The following ZNF483 variants were observed in gnomAD, a reference collection of about 807,000 sequenced individuals.
ZNF483 encodes the protein zinc finger protein 483, also known as zinc finger protein HIT-10.
In ZNF483, 9 loss-of-function variants were observed where a neutral mutation model predicts 28.6. The observed-to-expected ratio is 0.32, with a 90% CI of 0.19 to 0.55. The LOEUF (loss-of-function observed/expected upper bound fraction) is 0.55. Ranked by LOEUF, ZNF483 falls within the 20% of genes least tolerant of loss-of-function variation. ZNF483 has a pLI of 0.93. For synonymous variants in ZNF483, 322 were observed against 306.2 expected, an observed-to-expected ratio of 1.05 and a Z score of -0.54; for missense variants, 675 against 871.7, an observed-to-expected ratio of 0.77 and a Z score of 2.84.
intron 3 of ZNF483, among the ~76,000 whole-genome samples, chr9:111,531,693 A>C (rs1827350943): frequency 6.6e-6 from 1 of 151,622 alleles, no homozygotes; most frequent in Non-Finnish European, 1.5e-5. Flanking sequence ...TTTTCTTTTT[A>C]AGAGATGGGG....
chr9:111,543,023 T>C lies in ZNF483; in HGVS notation c.2088T>C (p.Cys696=). Residue 696 remains cysteine (C), a synonymous_variant, in exon 6 of 6, where the codon TGT becomes TGC. Transcript: ENST00000309235. ...TGEKPYECNY[C]GATFSRSSIL... ...AGAAACCCTATGAGTGTAACTATTG[T>C]GGTGCAACCTTTAGTCGAAGCTCAA... 1 of 1,614,190 alleles carries C rather than the reference T, an allele frequency of 6.2e-7. No homozygotes were observed.
intron 5 of ZNF483, among the ~76,000 whole-genome samples, chr9:111,572,295 T>C (rs1828851854): frequency 6.6e-6 from 1 of 152,206 alleles, no homozygotes; most frequent in Non-Finnish European, 1.5e-5. Flanking sequence ...TCTCATTTCC[T>C]CATCTTAAAT....
intron 2 of ZNF483, 193 bp downstream of exon 2, chr9:111,528,000 A>G (rs1244314900): frequency 3.4e-6 from 5 of 1,470,554 alleles, no homozygotes; most frequent in Middle Eastern, 3.6e-4. Context: ...AAATATTTTT[A>G]TCTGTTAAAA....
In ZNF483 at chr9:111,548,465, T is replaced by G. The variant is rs1827854011; in HGVS notation, c.*5295T>G. Among the ~76,000 whole-genome samples the G allele has an allele frequency of 6.6e-6, 1 of 152,218 alleles. No individual in the cohort carries two copies. The highest frequency in any genetic ancestry group is 6.5e-5 in the Admixed American group (1 of 15,278). On this transcript the variant is annotated 3_prime_UTR_variant, in exon 6 of 6. Coordinates refer to ENST00000309235, the MANE Select transcript of ZNF483 (RefSeq NM_133464.5). ...GAGTTTTGAGTGTTGATTTTGTATC[T>G]TGCAACTTTGCTGAATTTGTTTATT...
intron 5 of ZNF483, among the ~76,000 whole-genome samples, chr9:111,566,348 T>C (rs556791717): frequency 4.0e-4 from 61 of 152,300 alleles, no homozygotes; most frequent in African/African-American, 1.4e-3. Context: ...TTTCACCAAC[T>C]GGGACAACTT....
chr9:111,565,505 T>G (rs1366447179), intron 5 of ZNF483, among the ~76,000 whole-genome samples: 1 of 152,188 alleles, frequency 6.6e-6, no homozygotes, highest in African/African-American at 2.4e-5. Flanking sequence ...CCAATTTTCC[T>G]ATAAATCTAA....
intron 5 of ZNF483, among the ~76,000 whole-genome samples, chr9:111,572,780 A>AT (rs1828884406): frequency 1.4e-5 from 2 of 147,638 alleles, no homozygotes. Flanking sequence ...AAAAAAAAAA[A>AT]TTAAAAAATT....
Position 111,542,027 on chromosome 9 carries a change from T to C in ZNF483, c.1092T>C (p.Gly364=), listed in dbSNP as rs776869159. The C allele has an allele frequency of 6.2e-7, 1 of 1,614,036 alleles. No homozygotes were observed. Among genetic ancestry groups the C allele is most frequent in the Non-Finnish European group, 8.5e-7 (1 of 1,179,954 alleles). Residue 364 remains glycine (G), a synonymous_variant, in exon 6 of 6, where the codon GGT becomes GGC. Coordinates refer to ENST00000309235, the MANE Select transcript of ZNF483 (RefSeq NM_133464.5). This position sits in a 1 kb window ranked among gnomAD's most constrained non-coding sequence, Gnocchi z 6.2. ...AGEKSRKSND[G]GKVLSHSSAL... ...AAAAGTCACGGAAATCTAATGATGGTGGGAAAGTCCTGAGTCACTCTTCAG... is the reference window on the plus strand; with the variant it reads ...AAAAGTCACGGAAATCTAATGATGGCGGGAAAGTCCTGAGTCACTCTTCAG...
Position 111,527,316 on chromosome 9 carries a change from C to A in ZNF483, c.-80C>A. 1 of 1,430,854 alleles carries A rather than the reference C, an allele frequency of 7.0e-7. No individual in the cohort carries two copies. The highest frequency in any genetic ancestry group is 9.5e-7 in the Non-Finnish European group (1 of 1,055,220). 88.6% of individuals were successfully genotyped at this position (1,430,854 alleles called of 1,614,324 possible). ...TTCCTGGAACCTTTGATATTCCTGG[C>A]TGTGTATAGTGCCTGTTGGTGGACT... On this transcript the variant is annotated 5_prime_UTR_variant, in exon 2 of 6. It adds an upstream start codon to the 5' untranslated region. Transcript: ENST00000309235.
At chr9:111,565,213 G>A (rs984087183) in intron 5 of ZNF483, among the ~76,000 whole-genome samples, 1 of 152,110 alleles carries the variant, frequency 6.6e-6, no homozygotes, top group Non-Finnish European at 1.5e-5. Context: ...TTAGGACATA[G>A]ACACACAGAG....
chr9:111,571,421 A>T lies in ZNF483; in HGVS notation c.722-4944A>T, dbSNP rs910870524. ...GAGACTCGGTTTCAAAAAGAAAAAA[A>T]GAAGTAAACAAACAAAAGAATAAAC... On this transcript the variant is annotated intron_variant, in intron 5 of 5. Coordinates refer to the ZNF483 transcript ENST00000358151. Among the ~76,000 whole-genome samples, 4 of 149,724 alleles carry T rather than the reference A, an allele frequency of 2.7e-5. No homozygotes were observed. In the East Asian group the frequency reaches 6.4e-4, roughly 24 times the overall value.
intron 5 of ZNF483, among the ~76,000 whole-genome samples, chr9:111,539,125 A>C (rs1035080203): frequency 2.7e-5 from 4 of 150,430 alleles, no homozygotes; most frequent in Non-Finnish European, 5.9e-5. Flanking sequence ...AAAAAAAAAA[A>C]AAAAAAAAAA....
At position 111,552,593 on chromosome 9, in the gene ZNF483, T is replaced by C. The variant is rs1254164102; in HGVS notation, c.*9423T>C. Among the ~76,000 whole-genome samples, 1 of 152,190 alleles carries C rather than the reference T, an allele frequency of 6.6e-6. No homozygotes were observed. The highest frequency in any genetic ancestry group is 2.4e-5 in the African/African-American group (1 of 41,458). On this transcript the variant is annotated 3_prime_UTR_variant, in exon 6 of 6. Coordinates refer to ENST00000309235, the MANE Select transcript of ZNF483 (RefSeq NM_133464.5). Reference sequence around the variant, plus strand: ...GACAGATGGAAGATTGTCAAAAATATCTGCCATGAGTTTGAGCCTTTAGGC... The same window carrying C: ...GACAGATGGAAGATTGTCAAAAATACCTGCCATGAGTTTGAGCCTTTAGGC...
intron 2 of ZNF483, 65 bp downstream of exon 2, chr9:111,527,872 C>T: frequency 6.2e-7 from 1 of 1,612,606 alleles, no homozygotes. Flanking sequence ...GTAAATTCCT[C>T]AAAAGAAGGC....
In ZNF483 at chr9:111,542,203, A is replaced by G; in HGVS notation, c.1268A>G (p.Glu423Gly). 1 of 1,614,134 alleles carries G rather than the reference A, an allele frequency of 6.2e-7. No homozygotes were observed. Among genetic ancestry groups the G allele is most frequent in the Non-Finnish European group, 8.5e-7 (1 of 1,180,030 alleles). Reference sequence around the variant, plus strand: ...AAATGTCGGAAAGATTCATGTCAAGAAGCAGCCTTAAATAAAGATGAGGGA... The same window carrying G: ...AAATGTCGGAAAGATTCATGTCAAGGAGCAGCCTTAAATAAAGATGAGGGA... ...CEKCRKDSCQEAALNKDEGNE... is the reference protein window; with the variant it reads ...CEKCRKDSCQGAALNKDEGNE... Residue 423 changes from glutamate (E) to glycine (G), a missense_variant, in exon 6 of 6, where the codon GAA becomes GGA. Transcript: ENST00000309235. The surrounding 1 kb of genome is among the most constrained non-coding windows in gnomAD (Gnocchi z 6.2).
intron 5 of ZNF483, among the ~76,000 whole-genome samples, chr9:111,561,967 C>T (rs1441529476): frequency 6.6e-6 from 1 of 152,066 alleles, no homozygotes; most frequent in Admixed American, 6.6e-5. Flanking sequence ...CTCACTGCAA[C>T]GTCTGCCTCC....
At position 111,543,778 on chromosome 9, in the gene ZNF483, T is replaced by C; in HGVS notation, c.*608T>C. ...TGGACTTCTTTTCTTTTTTTTTTCTTTTTTTTTTTTCAATTTTTCTTTTTT... is the reference window on the plus strand; with the variant it reads ...TGGACTTCTTTTCTTTTTTTTTTCTCTTTTTTTTTTCAATTTTTCTTTTTT... On this transcript the variant is annotated 3_prime_UTR_variant, in exon 6 of 6. Coordinates refer to ENST00000309235, the MANE Select transcript of ZNF483 (RefSeq NM_133464.5). The C allele has an allele frequency of 2.3e-6, 2 of 868,918 alleles. No individual in the cohort carries two copies. The highest frequency in any genetic ancestry group is 2.7e-6 in the Non-Finnish European group (2 of 729,116). 53.8% of individuals were successfully genotyped at this position (868,918 alleles called of 1,614,324 possible).
At chr9:111,564,191 T>G in intron 5 of ZNF483, 1 of 1,045,602 alleles carries the variant, frequency 9.6e-7, no homozygotes. Context: ...ATTCCAGTGA[T>G]GGCTTAGCAC....
In ZNF483 at chr9:111,545,054, A is replaced by T. The variant is rs2132265182; in HGVS notation, c.*1884A>T. ...CTAATGTATGTAGGTGTGAAATGCT[A>T]CCTCTGGGAGAAGGTTTTTGGTGCC... On this transcript the variant is annotated 3_prime_UTR_variant, in exon 6 of 6. Transcript: ENST00000309235. Among the ~76,000 whole-genome samples, 1 of 152,230 alleles carries T rather than the reference A, an allele frequency of 6.6e-6. No homozygotes were observed. The highest frequency in any genetic ancestry group is 2.1e-4 in the South Asian group (1 of 4,822).
Sources: allele counts gnomAD v4.1 joint callset (sites outside exome capture counted in the v4.1 genomes callset), GRCh38; gene constraint gnomAD v4.1.1; non-coding constraint Gnocchi (gnomAD v3.1); transcripts MANE v1.5; gene names NCBI Gene and HGNC (gene_info 2026-07-23, HGNC 2026-07-21).